Variants in UTS2 observed in about 807,000 individuals in gnomAD.
The protein encoded by UTS2 is urotensin-2.
In UTS2, 10 loss-of-function variants were observed where a neutral mutation model predicts 12.6. The ratio of observed to expected loss-of-function variants is 0.80; its 90% CI spans 0.49 to 1.35. The LOEUF (loss-of-function observed/expected upper bound fraction) is 1.35, where lower values mean the gene tolerates loss of function less well. Among genes scored for constraint, UTS2 ranks in the 40% most tolerant of loss-of-function variants. The pLI, the probability that UTS2 is intolerant of heterozygous loss-of-function variation, is 0.00. For missense variants in UTS2, 142 were observed against 143.2 expected (o/e 0.99, Z 0.04); for synonymous variants, 52 against 50.0 (o/e 1.04, Z -0.17).
chr1:7,872,158 G>A, the UTS2 span, among the ~76,000 whole-genome samples: 3 of 151,770 alleles, frequency 2.0e-5, no homozygotes, highest in African/African-American at 4.8e-5. Context: ...AAAATTAGCC[G>A]GGTGTGGTGG....
chr1:7,847,739 A>C lies in UTS2; in HGVS notation c.*27T>G. On this transcript the variant is annotated 3_prime_UTR_variant, in exon 4 of 4. Coordinates refer to ENST00000361696, the MANE Select transcript of UTS2 (RefSeq NM_006786.4). Reference sequence around the variant, plus strand: ...TCATATTCTAAGATGGGTGTTTCTGAGCTGACTAACAGATGCTTATTTCAC... The same window carrying C: ...TCATATTCTAAGATGGGTGTTTCTGCGCTGACTAACAGATGCTTATTTCAC... The C allele has an allele frequency of 6.5e-7, 1 of 1,536,736 alleles. No homozygotes were observed. Among genetic ancestry groups the C allele is most frequent in the South Asian group, 1.2e-5 (1 of 86,428 alleles).
At chr1:7,862,215 G>A in the UTS2 span, among the ~76,000 whole-genome samples, 5 of 150,968 alleles carry the variant, frequency 3.3e-5, no homozygotes, top group Middle Eastern at 3.4e-3. Context: ...GTGAGCCACC[G>A]CGCCCTGCCT....
At chr1:7,868,520 TG>T in the UTS2 span, among the ~76,000 whole-genome samples, 1 of 151,972 alleles carries the variant, frequency 6.6e-6, no homozygotes, top group African/African-American at 2.4e-5. Flanking sequence ...CAGGGGACTG[TG>T]GGGGCAATGA....
the UTS2 span, among the ~76,000 whole-genome samples, chr1:7,866,339 A>G: frequency 6.6e-6 from 1 of 152,204 alleles, no homozygotes; most frequent in African/African-American, 2.4e-5. The surrounding 1 kb of genome is among the most constrained non-coding windows in gnomAD (Gnocchi z 4.5). Flanking sequence ...CAGGGACACC[A>G]GCGACAGTAG....
In UTS2 at chr1:7,852,979, A is replaced by G. The variant is rs759578328; in HGVS notation, c.25T>C (p.Leu9=). 1.9e-6 allele frequency: 3 copies of G among 1,613,668 alleles called. No homozygotes were observed. The highest frequency in any genetic ancestry group is 1.3e-5 in the African/African-American group (1 of 74,906). ...GGATTTAAGAATCCTATGAAAAGCA[A>G]ACAGCAGGAGGCCAGCTTATACATG... MYKLASCC[L]LFIGFLNPLL... The change falls in exon 1 of 4, where the codon TTG becomes CTG. Residue 9 remains leucine (L), a synonymous_variant. Coordinates refer to ENST00000361696, the MANE Select transcript of UTS2 (RefSeq NM_006786.4).
At chr1:7,854,526 A>G (rs1215217249), upstream of UTS2, among the ~76,000 whole-genome samples, 193 of 9,454 alleles carry the variant, frequency 0.02, 1 homozygote, top group African/African-American at 0.13. Flanking sequence ...AAAAAAAAAA[A>G]AAGAAGAAAG....
At chr1:7,865,858 C>A in the UTS2 span, among the ~76,000 whole-genome samples, 1 of 152,156 alleles carries the variant, frequency 6.6e-6, no homozygotes, top group Admixed American at 6.5e-5. Context: ...ATCATTTGAG[C>A]CCAGGAGGTC....
chr1:7,856,012 G>T (rs1458778006), upstream of UTS2, among the ~76,000 whole-genome samples: 1 of 151,248 alleles, frequency 6.6e-6, no homozygotes, highest in Non-Finnish European at 1.5e-5. Context: ...TTTATTTTTT[G>T]TACAGACAGG....
chr1:7,876,215 G>T, the UTS2 span, among the ~76,000 whole-genome samples: 1 of 152,118 alleles, frequency 6.6e-6, no homozygotes, highest in African/African-American at 2.4e-5. Context: ...TGGGCCCGGG[G>T]GATCAACCTG....
At chr1:7,857,120 G>GAAGGAAGGAAGGAAGGAAGA (rs1638329940), upstream of UTS2, among the ~76,000 whole-genome samples, 1 of 151,142 alleles carries the variant, frequency 6.6e-6, no homozygotes, top group Non-Finnish European at 1.5e-5. Context: ...AGGAAGGAAG[G>GAAGGAAGGAAGGAAGGAAGA]AAGGAAGGAA....
the UTS2 span, among the ~76,000 whole-genome samples, chr1:7,866,491 C>G: frequency 6.6e-6 from 1 of 152,158 alleles, no homozygotes; most frequent in African/African-American, 2.4e-5. The surrounding 1 kb of genome is among the most constrained non-coding windows in gnomAD (Gnocchi z 4.5). Context: ...AATTTCATGC[C>G]AGCTTCAGAG....
At chr1:7,908,315 AG>A in the UTS2 span, among the ~76,000 whole-genome samples, 1 of 143,532 alleles carries the variant, frequency 7.0e-6, no homozygotes, top group Non-Finnish European at 1.5e-5. Context: ...AAAAAAAAAA[AG>A]TTAGCCAGGT....
the UTS2 span, among the ~76,000 whole-genome samples, chr1:7,896,527 A>G: frequency 3.3e-5 from 5 of 152,098 alleles, no homozygotes; most frequent in African/African-American, 1.2e-4. Flanking sequence ...AGTCTTTAAG[A>G]AGTTTTAAAA....
At chr1:7,863,003 GTAT>G in the UTS2 span, among the ~76,000 whole-genome samples, 2 of 19,714 alleles carry the variant, frequency 1.0e-4, no homozygotes, top group Admixed American at 6.1e-4. Context: ...GTATTGTATT[GTAT>G]TGTATTGTAT....
the UTS2 span, among the ~76,000 whole-genome samples, chr1:7,859,963 C>T: frequency 6.6e-6 from 1 of 151,906 alleles, no homozygotes; most frequent in African/African-American, 2.4e-5. Context: ...TGCACCACTG[C>T]ACTCCAGCTT....
chr1:7,905,931 G>C, the UTS2 span, among the ~76,000 whole-genome samples: 1 of 151,952 alleles, frequency 6.6e-6, no homozygotes, highest in Non-Finnish European at 1.5e-5. Flanking sequence ...AGGGGTGTCT[G>C]GGGGGCTTGT....
chr1:7,851,845 G>C (rs1026802989), intron 1 of UTS2, among the ~76,000 whole-genome samples: 1 of 152,200 alleles, frequency 6.6e-6, no homozygotes, highest in Non-Finnish European at 1.5e-5. Flanking sequence ...ATTTGTGTGA[G>C]ATGCTACACT....
At chr1:7,855,309 C>A (rs976088278), upstream of UTS2, among the ~76,000 whole-genome samples, 1 of 152,144 alleles carries the variant, frequency 6.6e-6, no homozygotes, top group Non-Finnish European at 1.5e-5. Flanking sequence ...CCGAGCAAGG[C>A]GCGGTGGCTC....
At chr1:7,890,027 G>A in the UTS2 span, among the ~76,000 whole-genome samples, 4 of 150,826 alleles carry the variant, frequency 2.7e-5, no homozygotes, top group South Asian at 4.2e-4. Context: ...AGATCGCGCC[G>A]CTGCACTCCA....
Sources: gnomAD v4.1 joint callset for allele counts (sites outside exome capture counted in the v4.1 genomes callset) on GRCh38, gnomAD v4.1.1 for gene constraint, Gnocchi (gnomAD v3.1) non-coding constraint, MANE v1.5 for transcripts, NCBI Gene and HGNC (gene_info 2026-07-23, HGNC 2026-07-21) for gene names.